The following PPP2R3B variants were observed in gnomAD, a reference collection of about 807,000 sequenced individuals.
The protein encoded by PPP2R3B is protein phosphatase 2 regulatory subunit B''beta, also known as serine/threonine-protein phosphatase 2A regulatory subunit B'' subunit beta.
In PPP2R3B, 68 loss-of-function variants were observed where a neutral mutation model predicts 72.9. That is an observed-to-expected ratio of 0.93 (90% CI 0.77 to 1.14). The LOEUF is 1.14. Among genes scored for constraint, PPP2R3B ranks in the 50% most tolerant of loss-of-function variants. The probability of loss-of-function intolerance (pLI) is 0.00; values close to 1 mark genes in which losing one functional copy is unlikely to be tolerated. For synonymous variants in PPP2R3B, 466 were observed against 375.8 expected, an observed-to-expected ratio of 1.24 and a Z score of -2.78; for missense variants, 1,018 against 842.0, an observed-to-expected ratio of 1.21 and a Z score of -2.59.
rs3813596 is a variant in PPP2R3B, at chrX:347,391, C to T, written c.615-55G>A. The T allele has an allele frequency of 0.035, 52,934 of 1,514,884 alleles. 6,681 individuals carry two copies. The African/African-American group carries it at 0.38, about 11-fold the overall frequency. 93.8% of individuals were successfully genotyped at this position (1,514,884 alleles called of 1,614,324 possible). A position where few individuals can be genotyped will look rare whatever the true frequency, so the allele number is the denominator to read the frequency against. ...CTCACAGGGGGGTGGCTTTCGACCC[C>T]GCAGACGCAGGGTGGAACACGTGTG... On this transcript the variant is annotated intron_variant, in intron 3 of 12. Transcript: ENST00000390665.
intron 1 of PPP2R3B, among the ~76,000 whole-genome samples, chrX:369,654 G>A (rs2071812505): frequency 6.6e-6 from 1 of 152,168 alleles, no homozygotes; most frequent in African/African-American, 2.4e-5. Flanking sequence ...CACCAGCCTC[G>A]GGCAGACCCC....
chrX:334,584 AAC>A, intron 12 of PPP2R3B, 67 bp from the exon 13 acceptor site: 6 of 1,380,912 alleles, frequency 4.3e-6, no homozygotes, highest in Non-Finnish European at 5.6e-6. Context: ...TTTTCCGGGA[AAC>A]ACAGGCTGCT....
chrX:346,890 A>G, intron 4 of PPP2R3B, 115 bp from the exon 5 acceptor site: 1 of 994,228 alleles, frequency 1.0e-6, no homozygotes, highest in East Asian at 2.7e-5. Context: ...TGCGGTGTAG[A>G]CGCCGGCCCT....
chrX:355,246 A>C (rs967676645), intron 2 of PPP2R3B, among the ~76,000 whole-genome samples: 1 of 152,238 alleles, frequency 6.6e-6, no homozygotes, highest in African/African-American at 2.4e-5. Context: ...AAAGTAAAAA[A>C]ATACCACGTA....
intron 12 of PPP2R3B, chrX:336,215 G>C (rs1207418580): frequency 1.3e-5 from 2 of 152,164 alleles, no homozygotes; most frequent in Admixed American, 6.5e-5. Context: ...AGAGAATCCA[G>C]TAATATGTGA....
chrX:368,036 G>A (rs772778138), intron 1 of PPP2R3B, among the ~76,000 whole-genome samples: 8 of 152,350 alleles, frequency 5.3e-5, no homozygotes, highest in East Asian at 1.9e-4. Flanking sequence ...ACGCAGCCTC[G>A]GCACTGATCA....
chrX:351,480 C>T (rs1345781368), intron 2 of PPP2R3B, among the ~76,000 whole-genome samples: 5 of 152,330 alleles, frequency 3.3e-5, no homozygotes, highest in Admixed American at 6.5e-5. Context: ...CAGGATATAG[C>T]GTCTCATGTG....
chrX:366,800 T>C (rs113127759), intron 1 of PPP2R3B, among the ~76,000 whole-genome samples: 11 of 74,442 alleles, frequency 1.5e-4, no homozygotes, highest in African/African-American at 6.4e-4. Context: ...GAGGCAGAGG[T>C]TGCAGTGAGC....
intron 4 of PPP2R3B, 119 bp from the exon 5 acceptor site, chrX:346,894 C>T (rs866549007): frequency 1.1e-5 from 10 of 948,470 alleles, no homozygotes; most frequent in African/African-American, 1.7e-5. Context: ...GTGTAGACGC[C>T]GGCCCTCCCG....
intron 1 of PPP2R3B, among the ~76,000 whole-genome samples, chrX:371,642 G>A (rs956972597): frequency 5.9e-5 from 9 of 152,230 alleles, no homozygotes; most frequent in African/African-American, 1.9e-4. Flanking sequence ...CGTGCTGCCC[G>A]GCCGGGAGCG....
intron 7 of PPP2R3B, chrX:342,187 GAGC>G: frequency 1.7e-6 from 1 of 601,090 alleles, no homozygotes; most frequent in East Asian, 2.8e-5. Context: ...GACTTGTAAA[GAGC>G]AGAATATTCA....
At chrX:344,326 G>A (rs1296030827) in intron 7 of PPP2R3B, among the ~76,000 whole-genome samples, 1 of 150,236 alleles carries the variant, frequency 6.7e-6, no homozygotes, top group African/African-American at 2.4e-5. Flanking sequence ...GAGGCGGGAG[G>A]GAGACCTCAC....
intron 8 of PPP2R3B, 78 bp downstream of exon 8, chrX:341,805 C>A: frequency 3.3e-6 from 5 of 1,503,374 alleles, no homozygotes; most frequent in Non-Finnish European, 4.6e-6. Context: ...AAAAAGCTCA[C>A]GTCAGGCAAC....
At chrX:350,200 C>T (rs375445554) in intron 2 of PPP2R3B, among the ~76,000 whole-genome samples, 40 of 152,222 alleles carry the variant, frequency 2.6e-4, no homozygotes, top group South Asian at 6.2e-4. Context: ...GACAGAGCCC[C>T]GTGGAATATC....
chrX:345,776 T>G, intron 6 of PPP2R3B, 104 bp from the exon 7 acceptor site: 2 of 395,492 alleles, frequency 5.1e-6, no homozygotes, highest in Non-Finnish European at 9.8e-6. Flanking sequence ...TCGGGGCCGC[T>G]CCGTGGGTGG....
At chrX:338,183 A>G (rs2070941779) in intron 12 of PPP2R3B, 1 of 300,320 alleles carries the variant, frequency 3.3e-6, no homozygotes. Context: ...TGAGAAAGCA[A>G]CCAGCCCAGG....
At position 386,458 on chromosome X, in the gene PPP2R3B, C is replaced by G. The variant is rs2072252545; in HGVS notation, c.234G>C (p.Gly78=). 7.8e-7 allele frequency: 1 copy of G among 1,286,688 alleles called. No individual in the cohort carries two copies. Among genetic ancestry groups the G allele is most frequent in the South Asian group, 3.2e-5 (1 of 30,788 alleles). The allele number at this position is 1,286,688 out of a possible 1,614,324, so 79.7% of individuals were successfully genotyped here. ...PSGLEPPGTP[G]PGPALPLGAA... ...CGCCCAGGGGCAGCGCAGGGCCCGGCCCGGGGGTTCCCGGGGGTTCGAGCC... is the reference window on the plus strand; with the variant it reads ...CGCCCAGGGGCAGCGCAGGGCCCGGGCCGGGGGTTCCCGGGGGTTCGAGCC... The change falls in exon 1 of 13, where the codon GGG becomes GGC. Residue 78 remains glycine, a synonymous_variant. Transcript: ENST00000390665.
intron 7 of PPP2R3B, chrX:345,142 G>A: frequency 2.0e-6 from 1 of 511,094 alleles, no homozygotes; most frequent in South Asian, 1.5e-5. Context: ...AACTGCTCCA[G>A]GCCTTGGGGG....
chrX:350,147 G>A (rs2738345), intron 2 of PPP2R3B, among the ~76,000 whole-genome samples: 120,762 of 152,172 alleles, frequency 0.79, 48,144 homozygotes, highest in Middle Eastern at 0.86. Context: ...AGTCTCTGTC[G>A]GGCACCGGTG....
Sources: allele counts gnomAD v4.1 joint callset (sites outside exome capture counted in the v4.1 genomes callset), GRCh38; gene constraint gnomAD v4.1.1; transcripts MANE v1.5; gene names NCBI Gene and HGNC (gene_info 2026-07-23, HGNC 2026-07-21).